The following MTUS1 variants were observed in gnomAD, a reference collection of about 807,000 sequenced individuals.
MTUS1 encodes the protein microtubule associated scaffold protein 1.
MTUS1 carries 109 observed loss-of-function variants against 120.8 expected under a neutral mutation model. The ratio of observed to expected loss-of-function variants is 0.90; its 90% confidence interval spans 0.77 to 1.06. The LOEUF (loss-of-function observed/expected upper bound fraction) is 1.06. MTUS1 is among the 50% of genes least tolerant of loss of function. The pLI is 0.00. For missense variants in MTUS1, 2,210 were observed against 1,486.3 expected, an observed-to-expected ratio of 1.49 and a Z score of -8.01; for synonymous variants, 737 against 550.5, an observed-to-expected ratio of 1.34 and a Z score of -4.74.
chr8:17,715,961 C>A, intron 4 of MTUS1, 60 bp from the exon 5 acceptor site: 2 of 1,511,120 alleles, frequency 1.3e-6, no homozygotes, highest in Admixed American at 2.0e-5. Context: ...CGACCTTCCA[C>A]ATTTATTCCT....
At chr8:17,766,890 T>G (rs531368118) in intron 1 of MTUS1, among the ~76,000 whole-genome samples, 1 of 152,122 alleles carries the variant, frequency 6.6e-6, no homozygotes, top group African/African-American at 2.4e-5. Flanking sequence ...TAATCATATT[T>G]TAAAGTATGA....
At position 17,743,854 on chromosome 8, in the gene MTUS1, A is replaced by G. The variant is rs878996958; in HGVS notation, c.2092-55T>C. On this transcript the variant is annotated intron_variant, in intron 2 of 14. Coordinates refer to ENST00000693296, the MANE Select transcript of MTUS1 (RefSeq NM_001363059.2). ...CAAAACTAAAATTCTAAGCCCCCCAACTGACTGAATGGGCCCCTCCTCTAG... is the reference window on the plus strand; with the variant it reads ...CAAAACTAAAATTCTAAGCCCCCCAGCTGACTGAATGGGCCCCTCCTCTAG... 68 of 1,500,748 alleles carry G rather than the reference A, an allele frequency of 4.5e-5. 1 individual carries two copies. In the South Asian group the frequency reaches 5.8e-4, roughly 13 times the overall value. The allele number at this position is 1,500,748 out of a possible 1,614,324, so 93.0% of individuals were successfully genotyped here.
chr8:17,653,442 T>C lies in MTUS1; in HGVS notation c.3271A>G (p.Lys1091Glu). The change falls in exon 11 of 15, where the codon AAG becomes GAG. Residue 1091 changes from lysine (K) to glutamate (E), a missense_variant. Coordinates refer to ENST00000693296, the MANE Select transcript of MTUS1 (RefSeq NM_001363059.2). Reference sequence around the variant, plus strand: ...TCACCCACCTCTAGCGATTCCTGCTTCTCAGAAAGTAAATCTTCAAGCGAT... The same window carrying C: ...TCACCCACCTCTAGCGATTCCTGCTCCTCAGAAAGTAAATCTTCAAGCGAT... ...KKSLEDLLSE[K>E]QESLEKQIND... 1.2e-6 allele frequency: 2 copies of C among 1,611,480 alleles called. No homozygotes were observed. Among genetic ancestry groups the C allele is most frequent in the South Asian group, 1.1e-5 (1 of 90,280 alleles).
intron 8 of MTUS1, chr8:17,674,515 A>G (rs1018889967): frequency 2.0e-6 from 2 of 985,204 alleles, no homozygotes; most frequent in Admixed American, 6.2e-5. Flanking sequence ...CCAGGAGAGA[A>G]TGGAACTAAA....
chr8:17,761,941 T>C (rs1006887943), intron 1 of MTUS1, among the ~76,000 whole-genome samples: 2 of 152,172 alleles, frequency 1.3e-5, no homozygotes, highest in South Asian at 2.1e-4. Context: ...TCAAAAAAGA[T>C]GACATTGGCA....
intron 3 of MTUS1, among the ~76,000 whole-genome samples, chr8:17,738,053 C>A (rs2047054978): frequency 6.6e-6 from 1 of 152,208 alleles, no homozygotes; most frequent in Non-Finnish European, 1.5e-5. Flanking sequence ...ACAGGCAAGT[C>A]ACTGCAAGTT....
intron 1 of MTUS1, among the ~76,000 whole-genome samples, chr8:17,765,157 G>C (rs1455046770): frequency 6.6e-6 from 1 of 152,180 alleles, no homozygotes; most frequent in African/African-American, 2.4e-5. Context: ...AGGAGAATCT[G>C]ATGCTGTCGC....
At chr8:17,789,427 G>C (rs950579597) in intron 1 of MTUS1, among the ~76,000 whole-genome samples, 1 of 151,858 alleles carries the variant, frequency 6.6e-6, no homozygotes, top group Non-Finnish European at 1.5e-5. Flanking sequence ...CGCGTGGGCA[G>C]GGCAGAGTTT....
chr8:17,653,699 A>G (rs916691223), intron 10 of MTUS1: 1 of 496,996 alleles, frequency 2.0e-6, no homozygotes, highest in African/African-American at 2.0e-5. Flanking sequence ...TTCCCATTTT[A>G]TGACTGAGAG....
At position 17,755,079 on chromosome 8, in the gene MTUS1, G is replaced by A. The variant is rs770552918; in HGVS notation, c.729C>T (p.Tyr243=). ...VTPSEAQDMT[Y]TAFSDVVMQS... Reference sequence around the variant, plus strand: ...GCATCACCACATCAGAAAATGCTGTGTAAGTCATGTCTTGGGCTTCTGATG... The same window carrying A: ...GCATCACCACATCAGAAAATGCTGTATAAGTCATGTCTTGGGCTTCTGATG... The change falls in exon 2 of 15, where the codon TAC becomes TAT. Residue 243 remains tyrosine (Y), a synonymous_variant. Transcript: ENST00000693296. 7 of 1,613,756 alleles carry A rather than the reference G, an allele frequency of 4.3e-6. 1 individual carries two copies. Among genetic ancestry groups the A allele is most frequent in the South Asian group, 3.3e-5 (3 of 91,078 alleles).
intron 8 of MTUS1, among the ~76,000 whole-genome samples, chr8:17,671,134 A>G (rs151132459): frequency 9.1e-4 from 138 of 152,316 alleles, no homozygotes; most frequent in African/African-American, 3.1e-3. Flanking sequence ...ATTACACCTT[A>G]ATTTAAAAAA....
At chr8:17,679,232 CATAT>C (rs1756327548) in intron 7 of MTUS1, among the ~76,000 whole-genome samples, 2 of 151,572 alleles carry the variant, frequency 1.3e-5, no homozygotes, top group South Asian at 2.1e-4. Flanking sequence ...ATATATTATA[CATAT>C]ATAAAAATAC....
chr8:17,749,882 T>G lies in MTUS1; in HGVS notation c.2091+3835A>C, dbSNP rs540143483. Among the ~76,000 whole-genome samples the G allele has an allele frequency of 2.0e-5, 3 of 152,296 alleles. No individual in the cohort carries two copies. In the South Asian group the frequency reaches 6.2e-4, roughly 32 times the overall value. The stretch of plus-strand genomic sequence containing the variant: ...TCAGGATCTCCTAAGGGCTGTGTCA[T>G]GGGCCACTGGTCACTCATGTTTGGC... On this transcript the variant is annotated intron_variant, in intron 2 of 14. Coordinates refer to ENST00000693296, the MANE Select transcript of MTUS1 (RefSeq NM_001363059.2).
At chr8:17,697,971 G>C (rs1818305151) in intron 6 of MTUS1, among the ~76,000 whole-genome samples, 1 of 151,792 alleles carries the variant, frequency 6.6e-6, no homozygotes, top group African/African-American at 2.4e-5. Flanking sequence ...TTTAAACCTG[G>C]TATTTTGGAA....
At chr8:17,676,252 G>T (rs1813083334) in intron 7 of MTUS1, 1 of 702,900 alleles carries the variant, frequency 1.4e-6, no homozygotes, top group Non-Finnish European at 2.6e-6. Flanking sequence ...TTCCAGAAAA[G>T]CACTATAAAC....
At chr8:17,733,685 T>C (rs918544077) in intron 3 of MTUS1, among the ~76,000 whole-genome samples, 4 of 152,202 alleles carry the variant, frequency 2.6e-5, no homozygotes, top group African/African-American at 7.2e-5. Flanking sequence ...CTCTTCTTTG[T>C]TGACTGCCAG....
chr8:17,647,805 C>G (rs1176541955), intron 13 of MTUS1, among the ~76,000 whole-genome samples: 1 of 152,162 alleles, frequency 6.6e-6, no homozygotes, highest in Non-Finnish European at 1.5e-5. Flanking sequence ...CTGATTCCAT[C>G]CCCCACTCAC....
intron 7 of MTUS1, among the ~76,000 whole-genome samples, chr8:17,683,411 C>A (rs747922449): frequency 7.2e-5 from 11 of 152,204 alleles, no homozygotes; most frequent in Non-Finnish European, 1.5e-4. Flanking sequence ...GAAACCAGGA[C>A]AGGTTTGTTG....
intron 4 of MTUS1, among the ~76,000 whole-genome samples, chr8:17,718,858 A>G (rs1243128823): frequency 6.6e-6 from 1 of 151,676 alleles, no homozygotes; most frequent in African/African-American, 2.4e-5. Context: ...AGCAGAAGAC[A>G]TGATTTTCCT....
Sources: gnomAD v4.1 joint callset for allele counts (sites outside exome capture counted in the v4.1 genomes callset) on GRCh38, gnomAD v4.1.1 for gene constraint, MANE v1.5 for transcripts, NCBI Gene and HGNC (gene_info 2026-07-23, HGNC 2026-07-21) for gene names.